Variants in EFL1 observed in about 807,000 individuals in gnomAD.
EFL1 encodes the protein elongation factor-like GTPase 1.
EFL1 carries 76 observed loss-of-function variants against 126.7 expected under a neutral mutation model. The ratio of observed to expected loss-of-function variants is 0.60; its 90% CI spans 0.50 to 0.73. The LOEUF (loss-of-function observed/expected upper bound fraction) is 0.73, where lower values mean the gene tolerates loss of function less well. Ranked by LOEUF, EFL1 falls within the 30% of genes least tolerant of loss-of-function variation. The probability of loss-of-function intolerance (pLI) is 0.00; values close to 1 mark genes in which losing one functional copy is unlikely to be tolerated. For missense variants in EFL1, 1,128 were observed against 1,343.2 expected (o/e 0.84, Z 2.50); for synonymous variants, 410 against 448.4 (o/e 0.91, Z 1.08).
intron 16 of EFL1, among the ~76,000 whole-genome samples, chr15:82,160,365 A>G (rs1176322986): frequency 6.6e-6 from 1 of 152,206 alleles, no homozygotes; most frequent in Non-Finnish European, 1.5e-5. Flanking sequence ...ACGCTTCCAA[A>G]TTCCAGACCA....
chr15:82,138,636 G>T (rs1239205264), intron 19 of EFL1, 22 bp downstream of exon 19: 1 of 1,610,456 alleles, frequency 6.2e-7, no homozygotes. Context: ...AGGAAGGAAT[G>T]AATGGGAACT....
chr15:82,218,411 T>C (rs183718550), intron 14 of EFL1, among the ~76,000 whole-genome samples: 21 of 152,246 alleles, frequency 1.4e-4, no homozygotes, highest in African/African-American at 4.8e-4. Flanking sequence ...GCTTAAGACA[T>C]GAGACACATA....
At chr15:82,146,664 G>A (rs534481376) in intron 18 of EFL1, among the ~76,000 whole-genome samples, 11 of 150,616 alleles carry the variant, frequency 7.3e-5, no homozygotes, top group Non-Finnish European at 1.6e-4. Context: ...TTTTAAGGCA[G>A]TGGATGTGGT....
chr15:82,214,811 G>A lies in EFL1; in HGVS notation c.1656C>T (p.Val552=). 1 of 1,587,288 alleles carries A rather than the reference G, an allele frequency of 6.3e-7. No individual in the cohort carries two copies. The highest frequency in any genetic ancestry group is 1.4e-5 in the African/African-American group (1 of 73,104). ...FSAPPDGLPQ[V]PHMAYCALEN... is the part of the protein sequence containing the mutation. ...CCAGAGCACAGTATGCCATGTGGGG[G>A]ACTTGGGGGAGGCCATCTGGTGGAG... is the stretch of plus-strand genomic sequence containing the variant. The change falls in exon 15 of 20, where the codon GTC becomes GTT. Residue 552 remains valine, a synonymous_variant. Transcript: ENST00000268206.
At chr15:82,201,688 T>C (rs999475974) in intron 15 of EFL1, among the ~76,000 whole-genome samples, 52 of 107,024 alleles carry the variant, frequency 4.9e-4, no homozygotes, top group African/African-American at 1.9e-3. Context: ...TTATAGTTAA[T>C]AACTTCTTGC....
chr15:82,135,263 T>TA (rs955162264), intron 19 of EFL1, among the ~76,000 whole-genome samples: 10 of 152,142 alleles, frequency 6.6e-5, no homozygotes, highest in African/African-American at 2.4e-4. Flanking sequence ...TAATATTTTT[T>TA]AAAAAAAGTA....
At chr15:82,206,167 T>C (rs1164571945) in intron 15 of EFL1, among the ~76,000 whole-genome samples, 2 of 152,110 alleles carry the variant, frequency 1.3e-5, no homozygotes, top group African/African-American at 4.8e-5. Flanking sequence ...TCATTCCAAA[T>C]TATACTAAGA....
intron 15 of EFL1, among the ~76,000 whole-genome samples, chr15:82,179,819 C>A (rs1006316504): frequency 8.7e-6 from 1 of 114,698 alleles, no homozygotes; most frequent in Non-Finnish European, 1.7e-5. Flanking sequence ...TGCACAGAAA[C>A]GGGGCGGGGG....
intron 14 of EFL1, 127 bp downstream of exon 14, chr15:82,219,525 C>T: frequency 1.0e-6 from 1 of 982,604 alleles, no homozygotes; most frequent in East Asian, 2.7e-5. Flanking sequence ...GATACACAGT[C>T]ACTCAAGTGT....
chr15:82,157,105 T>C (rs1360087237), intron 17 of EFL1, among the ~76,000 whole-genome samples: 2 of 152,228 alleles, frequency 1.3e-5, no homozygotes, highest in Non-Finnish European at 1.5e-5. Context: ...GATATTTGTG[T>C]ATATTTGAAT....
Position 82,241,252 on chromosome 15 carries a change from C to A in EFL1, c.378+18G>T. On this transcript the variant is annotated intron_variant, in intron 5 of 19. Transcript: ENST00000268206. ...TCACCCTTAACCATTTAAGTATTTTCTCATCACAATCCATTACCTGTGGAC... is the reference window on the plus strand; with the variant it reads ...TCACCCTTAACCATTTAAGTATTTTATCATCACAATCCATTACCTGTGGAC... 1.2e-6 allele frequency: 2 copies of A among 1,613,352 alleles called. No individual in the cohort carries two copies. The highest frequency in any genetic ancestry group is 1.7e-6 in the Non-Finnish European group (2 of 1,179,774).
chr15:82,198,281 G>A (rs1313082466), intron 15 of EFL1, among the ~76,000 whole-genome samples: 27 of 152,044 alleles, frequency 1.8e-4, no homozygotes, highest in Admixed American at 6.6e-4. Flanking sequence ...CTTCAGAGAG[G>A]GGACTTCGGC....
intron 15 of EFL1, among the ~76,000 whole-genome samples, chr15:82,181,511 A>G (rs933162332): frequency 6.6e-6 from 1 of 152,196 alleles, no homozygotes; most frequent in Non-Finnish European, 1.5e-5. Flanking sequence ...CTTGCCTGCA[A>G]TGTGGAATCT....
chr15:82,130,457 T>G lies in EFL1; in HGVS notation c.3279A>C (p.Ala1093=). The part of the protein sequence containing the change: ...SENQARKYMN[A]VRKRKGLYVE... The stretch of plus-strand genomic sequence containing the variant: ...CATAAAGCCCCTTCCGCTTTCGTAC[T>G]GCGTTCATGTACTTCCGGGCTTGGT... Residue 1093 remains alanine (A), a synonymous_variant, in exon 20 of 20, where the codon GCA becomes GCC. Coordinates refer to ENST00000268206, the MANE Select transcript of EFL1 (RefSeq NM_024580.6). The G allele has an allele frequency of 6.2e-7, 1 of 1,614,212 alleles. No homozygotes were observed.
intron 14 of EFL1, among the ~76,000 whole-genome samples, chr15:82,218,203 C>T (rs756125279): frequency 3.3e-5 from 5 of 152,164 alleles, no homozygotes; most frequent in Admixed American, 2.0e-4. Context: ...TTTCAAGCTG[C>T]TACATTTGTT....
At chr15:82,247,868 C>T (rs2074987551) in intron 4 of EFL1, among the ~76,000 whole-genome samples, 2 of 152,150 alleles carry the variant, frequency 1.3e-5, no homozygotes, top group South Asian at 2.1e-4. Context: ...TGACTGAAGA[C>T]CACAGGGACG....
At chr15:82,170,661 G>T (rs2141249394) in intron 15 of EFL1, among the ~76,000 whole-genome samples, 1 of 152,288 alleles carries the variant, frequency 6.6e-6, no homozygotes, top group Middle Eastern at 3.4e-3. Context: ...TCATAGATTT[G>T]TTAATCAAAT....
intron 15 of EFL1, among the ~76,000 whole-genome samples, chr15:82,201,364 G>C (rs2074466147): frequency 6.6e-6 from 1 of 152,104 alleles, no homozygotes; most frequent in Non-Finnish European, 1.5e-5. Flanking sequence ...CAAAGGAGAG[G>C]GGGACTTTCT....
chr15:82,216,579 C>T (rs577643369), intron 14 of EFL1, among the ~76,000 whole-genome samples: 7 of 152,244 alleles, frequency 4.6e-5, no homozygotes, highest in African/African-American at 1.7e-4. Flanking sequence ...TGATTTCTGA[C>T]AGAGTGGACA....
Sources: allele counts gnomAD v4.1 joint callset (sites outside exome capture counted in the v4.1 genomes callset), GRCh38; gene constraint gnomAD v4.1.1; transcripts MANE v1.5; gene names NCBI Gene and HGNC (gene_info 2026-07-23, HGNC 2026-07-21).